The following STARD9 variants were observed in gnomAD, a reference collection of about 807,000 sequenced individuals.
The protein encoded by STARD9 is StAR related lipid transfer domain containing 9.
Under a neutral mutation model 399.8 loss-of-function variants are expected in STARD9, and 346 were observed. The observed-to-expected ratio is 0.87, with a 90% CI of 0.79 to 0.95. STARD9 has a LOEUF of 0.95. Among genes scored for constraint, STARD9 ranks in the 40% least tolerant of loss-of-function variants. The pLI, the probability that STARD9 is intolerant of heterozygous loss-of-function variation, is 0.00. For synonymous variants in STARD9, 2,203 were observed against 2,143.5 expected (o/e 1.03, Z -0.77); for missense variants, 5,832 against 5,667.5 (o/e 1.03, Z -0.93).
intron 3 of STARD9, among the ~76,000 whole-genome samples, chr15:42,595,263 C>T (rs2058479880): frequency 6.6e-6 from 1 of 152,114 alleles, no homozygotes; most frequent in South Asian, 2.1e-4. Flanking sequence ...CACTTTTTTA[C>T]AGCAGGTATC....
intron 9 of STARD9, among the ~76,000 whole-genome samples, chr15:42,655,326 C>T (rs2059845159): frequency 6.6e-6 from 1 of 152,130 alleles, no homozygotes; most frequent in Non-Finnish European, 1.5e-5. Flanking sequence ...CATTACCCAA[C>T]TTCAAACTAT....
At chr15:42,662,577 A>AT (rs2060012074) in intron 10 of STARD9, among the ~76,000 whole-genome samples, 1 of 152,264 alleles carries the variant, frequency 6.6e-6, no homozygotes, top group Admixed American at 6.5e-5. Flanking sequence ...AAACAGAAAC[A>AT]TAATGAGTTA....
chr15:42,657,896 G>A (rs2059907332), intron 9 of STARD9, among the ~76,000 whole-genome samples: 1 of 152,154 alleles, frequency 6.6e-6, no homozygotes, highest in Non-Finnish European at 1.5e-5. Flanking sequence ...AGCAAATGGT[G>A]GGAGAACAAT....
chr15:42,638,115 A>G (rs774570444), intron 6 of STARD9, 28 bp downstream of exon 6: 11 of 1,527,050 alleles, frequency 7.2e-6, no homozygotes, highest in Non-Finnish European at 9.7e-6. Flanking sequence ...TCTGGGACCT[A>G]CAGTAGTTCT....
At chr15:42,626,365 C>T (rs1382849102) in intron 3 of STARD9, among the ~76,000 whole-genome samples, 3 of 150,444 alleles carry the variant, frequency 2.0e-5, no homozygotes, top group Non-Finnish European at 4.4e-5. Flanking sequence ...TCCTCTTCCT[C>T]TTCTTCCTCC....
At position 42,687,632 on chromosome 15, in the gene STARD9, T is replaced by C; in HGVS notation, c.6054T>C (p.Ser2018=). The change falls in exon 23 of 33, where the codon AGT becomes AGC. Residue 2018 remains serine (S), a synonymous_variant. Coordinates refer to ENST00000290607, the MANE Select transcript of STARD9 (RefSeq NM_020759.3). ...LVACPQERNP[S]ECKSQEMLNP... is the part of the protein sequence containing the mutation. ...CATGCCCTCAGGAAAGAAACCCCAG[T>C]GAATGCAAGTCACAAGAAATGTTAA... 2.0e-6 allele frequency: 3 copies of C among 1,537,034 alleles called. No individual in the cohort carries two copies. The highest frequency in any genetic ancestry group is 2.6e-6 in the Non-Finnish European group (3 of 1,146,894).
chr15:42,663,675 T>A (rs1276759781), intron 12 of STARD9, 145 bp from the exon 13 acceptor site: 1 of 675,510 alleles, frequency 1.5e-6, no homozygotes, highest in African/African-American at 1.8e-5. Context: ...GGACTGGTAC[T>A]CTATCTCAGA....
At chr15:42,582,105 C>T (rs958044642) in intron 1 of STARD9, among the ~76,000 whole-genome samples, 2 of 152,164 alleles carry the variant, frequency 1.3e-5, no homozygotes, top group African/African-American at 4.8e-5. Flanking sequence ...CACCACTGCA[C>T]CCCAGCCTGG....
intron 26 of STARD9, among the ~76,000 whole-genome samples, chr15:42,698,554 C>T (rs1054227405): frequency 2.6e-5 from 4 of 152,074 alleles, no homozygotes; most frequent in Admixed American, 6.5e-5. Flanking sequence ...TAAGAATAGC[C>T]GTTTGACTGA....
Position 42,661,200 on chromosome 15 carries a change from A to C in STARD9, c.745A>C (p.Ile249Leu). ...CCTCCCTTCTGAAATGGCTAGCAAG[A>C]TCAACCTTGTGGACCTAGCAGGCAG... ...NNLPSEMASK[I>L]NLVDLAGSER... is the part of the protein sequence containing the mutation. Residue 249 changes from isoleucine to leucine, a missense_variant, in exon 10 of 33, where the codon ATC becomes CTC. Coordinates refer to ENST00000290607, the MANE Select transcript of STARD9 (RefSeq NM_020759.3). 2 of 1,536,968 alleles carry C rather than the reference A, an allele frequency of 1.3e-6. No homozygotes were observed. Among genetic ancestry groups the C allele is most frequent in the Non-Finnish European group, 1.7e-6 (2 of 1,146,690 alleles).
chr15:42,686,012 C>A lies in STARD9; in HGVS notation c.4434C>A (p.Ser1478Arg), dbSNP rs1486938521. The A allele has an allele frequency of 6.5e-7, 1 of 1,537,218 alleles. No individual in the cohort carries two copies. The highest frequency in any genetic ancestry group is 1.4e-5 in the African/African-American group (1 of 73,056). ...ASATTLTHVG[S>R]THERDWSALQ... ...CCACCACCTTGACTCATGTAGGCAG[C>A]ACCCATGAAAGGGATTGGTCTGCCC... The change falls in exon 23 of 33, where the codon AGC becomes AGA. Residue 1478 changes from serine to arginine, a missense_variant. By Grantham distance (110) the Ser-to-Arg change is moderately radical. Transcript: ENST00000290607.
At chr15:42,716,568 C>T in intron 26 of STARD9, 109 bp from the exon 27 acceptor site, 1 of 706,688 alleles carries the variant, frequency 1.4e-6, no homozygotes, top group South Asian at 1.7e-5. Context: ...CTGGGAAGAC[C>T]TTTGCAGTTG....
intron 20 of STARD9, among the ~76,000 whole-genome samples, chr15:42,677,086 A>G (rs866888380): frequency 8.8e-6 from 1 of 114,004 alleles, no homozygotes; most frequent in Non-Finnish European, 1.7e-5. Flanking sequence ...CCCCGTCTCT[A>G]CTTAAAAAAA....
At chr15:42,651,948 A>G (rs945853311) in intron 8 of STARD9, among the ~76,000 whole-genome samples, 6 of 152,186 alleles carry the variant, frequency 3.9e-5, no homozygotes, top group Non-Finnish European at 5.9e-5. Flanking sequence ...AAGGGTTAAC[A>G]CTGTAATGGA....
intron 3 of STARD9, among the ~76,000 whole-genome samples, chr15:42,590,162 T>G (rs1369214819): frequency 3.3e-5 from 5 of 151,298 alleles, no homozygotes; most frequent in African/African-American, 1.2e-4. Context: ...GTGGTCTCAC[T>G]GTGTTGCTCA....
Position 42,695,735 on chromosome 15 carries a change from C to T in STARD9, c.13147-8C>T. On this transcript the variant is annotated splice_region_variant and splice_polypyrimidine_tract_variant and intron_variant, in intron 25 of 32. Coordinates refer to ENST00000290607, the MANE Select transcript of STARD9 (RefSeq NM_020759.3). Reference sequence around the variant, plus strand: ...AGAAGCTGGTTAATGGTGATTTGTCCTTCCCAGGAAGAGGATAAACTACAT... The same window carrying T: ...AGAAGCTGGTTAATGGTGATTTGTCTTTCCCAGGAAGAGGATAAACTACAT... 6.5e-7 allele frequency: 1 copy of T among 1,536,274 alleles called. No individual in the cohort carries two copies. The highest frequency in any genetic ancestry group is 8.7e-7 in the Non-Finnish European group (1 of 1,146,390).
chr15:42,691,112 C>T lies in STARD9; in HGVS notation c.9534C>T (p.Ser3178=), dbSNP rs1363188143. 2 of 1,537,084 alleles carry T rather than the reference C, an allele frequency of 1.3e-6. No individual in the cohort carries two copies. Among genetic ancestry groups the T allele is most frequent in the Admixed American group, 2.0e-5 (1 of 50,978 alleles). The change falls in exon 23 of 33, where the codon TCC becomes TCT. Residue 3178 remains serine, a synonymous_variant. Transcript: ENST00000290607. ...TRCFLEKPQF[S]TELRDHNRLD... ...GTTTTTTGGAAAAGCCACAATTTTC[C>T]ACTGAGTTGAGGGATCACAATCGCT...
chr15:42,684,533 C>T lies in STARD9; in HGVS notation c.2955C>T (p.His985=). ...CGAAGGGACTAGCAGACCCTAGCCA[C>T]ACACAAGCTGGGTGGCGAAAAGAAG... ...RGAKGLADPS[H]TQAGWRKEGN... Residue 985 remains histidine (H), a synonymous_variant, in exon 23 of 33, where the codon CAC becomes CAT. Transcript: ENST00000290607. The T allele has an allele frequency of 6.5e-7, 1 of 1,537,240 alleles. No individual in the cohort carries two copies. The highest frequency in any genetic ancestry group is 8.7e-7 in the Non-Finnish European group (1 of 1,146,906).
At chr15:42,601,010 T>C (rs2058611480) in intron 3 of STARD9, among the ~76,000 whole-genome samples, 1 of 152,136 alleles carries the variant, frequency 6.6e-6, no homozygotes, top group African/African-American at 2.4e-5. Context: ...CAGAGAGCCC[T>C]GCCGCCTTCA....
Sources: allele counts gnomAD v4.1 joint callset (sites outside exome capture counted in the v4.1 genomes callset), GRCh38; gene constraint gnomAD v4.1.1; transcripts MANE v1.5; gene names NCBI Gene and HGNC (gene_info 2026-07-23, HGNC 2026-07-21).